MGARP: variants seen among roughly 807,000 people sequenced by gnomAD.
MGARP encodes the protein mitochondria localized glutamic acid rich protein.
In MGARP, 12 loss-of-function variants were observed where a neutral mutation model predicts 11.0. That is an observed-to-expected ratio of 1.09 (90% CI 0.70 to 1.77). The LOEUF (loss-of-function observed/expected upper bound fraction) is 1.77, where lower values mean the gene tolerates loss of function less well. Among genes scored for constraint, MGARP ranks in the 40% most tolerant of loss-of-function variants. The pLI is 0.00. For missense variants in MGARP, 283 were observed against 297.8 expected (o/e 0.95, Z 0.36); for synonymous variants, 110 against 115.4 (o/e 0.95, Z 0.30).
chr4:139,278,754 C>T (rs2110735435), intron 1 of MGARP, among the ~76,000 whole-genome samples: 1 of 152,180 alleles, frequency 6.6e-6, no homozygotes, highest in South Asian at 2.1e-4. Context: ...CCTACTTCAT[C>T]AGTGTATATA....
chr4:139,273,002 G>A (rs1159208742), intron 2 of MGARP, among the ~76,000 whole-genome samples: 1 of 151,730 alleles, frequency 6.6e-6, no homozygotes, highest in African/African-American at 2.4e-5. Context: ...TATTTCCGTA[G>A]GTCCAAACCA....
intron 1 of MGARP, 43 bp downstream of exon 1, chr4:139,280,034 C>A (rs775988596): frequency 1.2e-6 from 2 of 1,601,764 alleles, no homozygotes; most frequent in Non-Finnish European, 1.7e-6. Flanking sequence ...AATCTGCACC[C>A]GAGGCGCCCG....
Position 139,266,559 on chromosome 4 carries a change from C to G in MGARP, c.*40G>C. Reference sequence around the variant, plus strand: ...AAAACACAAAAGCACTTATCAGACACCCTATGGCATTTGTTGCTGAAATGT... The same window carrying G: ...AAAACACAAAAGCACTTATCAGACAGCCTATGGCATTTGTTGCTGAAATGT... On this transcript the variant is annotated 3_prime_UTR_variant, in exon 4 of 4. Transcript: ENST00000398955. 1.3e-6 allele frequency: 2 copies of G among 1,565,614 alleles called. No homozygotes were observed.
intron 2 of MGARP, 79 bp downstream of exon 2, chr4:139,275,210 A>T: frequency 8.9e-7 from 1 of 1,122,816 alleles, no homozygotes. Flanking sequence ...TCATGTCCTG[A>T]TCTTGACGTT....
chr4:139,276,032 T>A (rs552872522), intron 1 of MGARP, among the ~76,000 whole-genome samples: 2 of 152,286 alleles, frequency 1.3e-5, no homozygotes, highest in Admixed American at 1.3e-4. Flanking sequence ...AGGTACTATA[T>A]TATTATATTT....
chr4:139,266,912 G>GA lies in MGARP; in HGVS notation c.409dup (p.Ser137PhefsTer19), dbSNP rs781638078. ...AGCCTCCACGTGACCTGGACAGGCA[G>GA]ATGCCTCTTTTATGACCACAACTGT... is the stretch of plus-strand genomic sequence containing the variant. On this transcript the variant is annotated frameshift_variant, in exon 4 of 4. Coordinates refer to ENST00000398955, the MANE Select transcript of MGARP (RefSeq NM_032623.4). LOFTEE classifies it low-confidence loss of function (END_TRUNC). The GA allele has an allele frequency of 1.2e-6, 2 of 1,614,050 alleles. No homozygotes were observed. The highest frequency in any genetic ancestry group is 3.3e-5 in the Admixed American group (2 of 59,984).
At chr4:139,279,121 G>C (rs1240733001) in intron 1 of MGARP, among the ~76,000 whole-genome samples, 1 of 152,166 alleles carries the variant, frequency 6.6e-6, no homozygotes. Context: ...CCGTCCCCCA[G>C]TCGTGAGTGG....
chr4:139,279,404 A>G lies in MGARP; in HGVS notation c.82+673T>C, dbSNP rs973468201. On this transcript the variant is annotated intron_variant, in intron 1 of 3. Transcript: ENST00000398955. Reference sequence around the variant, plus strand: ...AACCAAAGGTGTCGATATTTGGACTACAGAGCCAAGCAGTTGCAGGACGAC... The same window carrying G: ...AACCAAAGGTGTCGATATTTGGACTGCAGAGCCAAGCAGTTGCAGGACGAC... Among the ~76,000 whole-genome samples, 29 of 152,192 alleles carry G rather than the reference A, an allele frequency of 1.9e-4. 1 individual carries two copies. The highest frequency in any genetic ancestry group is 6.0e-4 in the African/African-American group (25 of 41,456).
chr4:139,279,963 T>C (rs979837659), intron 1 of MGARP, 114 bp downstream of exon 1: 112 of 1,072,828 alleles, frequency 1.0e-4, no homozygotes, highest in Middle Eastern at 3.9e-4. Flanking sequence ...CAATCCAGGC[T>C]TCTGCTGCTC....
Position 139,267,515 on chromosome 4 carries a change from CCT to C in MGARP, c.281-476_281-475del, listed in dbSNP as rs373625749. Among the ~76,000 whole-genome samples the C allele has an allele frequency of 3.6e-4, 55 of 152,244 alleles. 1 individual carries two copies. In the East Asian group the frequency reaches 0.01, roughly 28 times the overall value. ...AGCTGGTGACTCAGAAATCACTAAT[CCT>C]CTCTCAATCTCATTTTTGTCATCTG... On this transcript the variant is annotated intron_variant, in intron 3 of 3. Transcript: ENST00000398955.
At chr4:139,272,029 C>G (rs1168901677) in intron 2 of MGARP, among the ~76,000 whole-genome samples, 2 of 151,694 alleles carry the variant, frequency 1.3e-5, no homozygotes, top group Non-Finnish European at 2.9e-5. Flanking sequence ...AGCTTCCCAG[C>G]CTATCACATG....
chr4:139,278,047 G>A (rs1462255891), intron 1 of MGARP, among the ~76,000 whole-genome samples: 1 of 152,044 alleles, frequency 6.6e-6, no homozygotes, highest in Non-Finnish European at 1.5e-5. Flanking sequence ...GACCAACATG[G>A]AGAAACCCCA....
At chr4:139,271,392 G>A (rs1170800948) in intron 2 of MGARP, among the ~76,000 whole-genome samples, 1 of 152,130 alleles carries the variant, frequency 6.6e-6, no homozygotes, top group Non-Finnish European at 1.5e-5. Flanking sequence ...CAGGCGTGGT[G>A]GCAGGCGCCT....
chr4:139,268,725 T>C lies in MGARP; in HGVS notation c.227A>G (p.Glu76Gly). The C allele has an allele frequency of 6.2e-7, 1 of 1,612,554 alleles. No individual in the cohort carries two copies. The highest frequency in any genetic ancestry group is 8.5e-7 in the Non-Finnish European group (1 of 1,179,440). ...TVTSDQAKHT[E>G]HKTNLKEKTK... The stretch of plus-strand genomic sequence containing the variant: ...TTTTTCTTTCAAATTTGTTTTATGT[T>C]CTGTGTGTTTGGCTTGGTCTGATGT... Residue 76 changes from glutamate to glycine, a missense_variant, in exon 3 of 4, where the codon GAA (glutamate) becomes GGA (glycine). Transcript: ENST00000398955.
chr4:139,277,144 T>G (rs968267353), intron 1 of MGARP, among the ~76,000 whole-genome samples: 6 of 152,202 alleles, frequency 3.9e-5, no homozygotes, highest in African/African-American at 1.2e-4. Context: ...ATTTTGTGTT[T>G]TAGATTTTTG....
intron 2 of MGARP, among the ~76,000 whole-genome samples, chr4:139,272,452 A>G (rs1443069667): frequency 6.7e-6 from 1 of 150,102 alleles, no homozygotes; most frequent in Non-Finnish European, 1.5e-5. Flanking sequence ...CCAGCTACTC[A>G]GGAGGCTGAG....
At chr4:139,277,503 T>A (rs1475262228) in intron 1 of MGARP, among the ~76,000 whole-genome samples, 4 of 152,160 alleles carry the variant, frequency 2.6e-5, no homozygotes, top group Admixed American at 2.6e-4. Flanking sequence ...AAATATTTTT[T>A]AAATAGAACT....
In MGARP at chr4:139,266,884, A is replaced by G; in HGVS notation, c.438T>C (p.Ala146=). The change falls in exon 4 of 4, where the codon GCT becomes GCC. Residue 146 remains alanine, a synonymous_variant. Transcript: ENST00000398955. ...ASACPGHVEA[A]PETTAVSAET... ...CAGCACTGACTGCTGTGGTCTCCGG[A>G]GCAGCCTCCACGTGACCTGGACAGG... The G allele has an allele frequency of 1.2e-6, 2 of 1,614,144 alleles. No homozygotes were observed. Among genetic ancestry groups the G allele is most frequent in the Non-Finnish European group, 1.7e-6 (2 of 1,180,032 alleles).
chr4:139,277,277 T>C lies in MGARP; in HGVS notation c.83-1885A>G, dbSNP rs1281561282. 2.0e-5 allele frequency among the ~76,000 whole-genome samples: 3 copies of C among 152,188 alleles called. No individual in the cohort carries two copies. In the East Asian group the frequency reaches 5.8e-4, roughly 29 times the overall value. On this transcript the variant is annotated intron_variant, in intron 1 of 3. Transcript: ENST00000398955. The stretch of plus-strand genomic sequence containing the variant: ...AAGGCATGCTTACAAACCTTCATAG[T>C]AGCAAAATCACAACGATTTCCTGTT...
Sources: allele counts gnomAD v4.1 joint callset (sites outside exome capture counted in the v4.1 genomes callset), GRCh38; gene constraint gnomAD v4.1.1; transcripts MANE v1.5; gene names NCBI Gene and HGNC (gene_info 2026-07-23, HGNC 2026-07-21).